Variants in ZNF676 observed in about 807,000 individuals in gnomAD.
The protein encoded by ZNF676 is zinc finger protein 676.
ZNF676 carries 4 observed loss-of-function variants against 6.0 expected under a neutral mutation model. The observed-to-expected ratio is 0.67, with a 90% CI of 0.33 to 1.53. The LOEUF (loss-of-function observed/expected upper bound fraction) is 1.53, where lower values mean the gene tolerates loss of function less well. Ranked by LOEUF, ZNF676 falls within the 40% of genes most tolerant of loss-of-function variation. ZNF676 has a pLI of 0.06. For missense variants in ZNF676, 644 were observed against 679.7 expected, an observed-to-expected ratio of 0.95 and a Z score of 0.58; for synonymous variants, 198 against 223.1, an observed-to-expected ratio of 0.89 and a Z score of 1.00.
At position 22,181,122 on chromosome 19, in the gene ZNF676, ATT is replaced by A. The variant is rs2023740535; in HGVS notation, c.593_594del (p.Lys198MetfsTer2). On this transcript the variant is annotated frameshift_variant, in exon 3 of 3. Coordinates refer to ENST00000397121, the MANE Select transcript of ZNF676 (RefSeq NM_001001411.3). LOFTEE classifies it low-confidence loss of function (END_TRUNC). ...CTAAAGGCTTTGCCACATTCTTCAC[ATT>A]TGTAGGGTTTCTCTCCAGTATGAAT... ...KSIHTGEKPY[K>X]CEECGKAFSK... 1 of 1,613,698 alleles carries A rather than the reference ATT, an allele frequency of 6.2e-7. No individual in the cohort carries two copies. Among genetic ancestry groups the A allele is most frequent in the Non-Finnish European group, 8.5e-7 (1 of 1,179,942 alleles).
chr19:22,216,096 T>A (rs1230885903), upstream of ZNF676, among the ~76,000 whole-genome samples: 1 of 152,232 alleles, frequency 6.6e-6, no homozygotes, highest in Non-Finnish European at 1.5e-5. Flanking sequence ...TACATAAAAC[T>A]TTTGTACAAG....
the ZNF676 span, among the ~76,000 whole-genome samples, chr19:22,222,781 T>TA: frequency 1.3e-5 from 2 of 152,204 alleles, no homozygotes; most frequent in Non-Finnish European, 2.9e-5. Context: ...GTTGGCTTGT[T>TA]ACAAAAGGCT....
the ZNF676 span, among the ~76,000 whole-genome samples, chr19:22,240,932 T>C: frequency 3.6e-4 from 55 of 151,998 alleles, no homozygotes; most frequent in Admixed American, 6.5e-4. Context: ...ATGTCCCCTG[T>C]AGGAAAGGCA....
At chr19:22,218,468 G>A (rs1252030975), upstream of ZNF676, among the ~76,000 whole-genome samples, 1 of 151,718 alleles carries the variant, frequency 6.6e-6, no homozygotes, top group Non-Finnish European at 1.5e-5. Flanking sequence ...AAGTAGCTGG[G>A]ATTACAGGCA....
At chr19:22,201,051 A>G (rs1417257830), upstream of ZNF676, among the ~76,000 whole-genome samples, 2 of 152,038 alleles carry the variant, frequency 1.3e-5, no homozygotes, top group African/African-American at 4.8e-5. Flanking sequence ...GACAGAGAAG[A>G]CTCAGGATGA....
chr19:22,216,900 A>T (rs1410147659), upstream of ZNF676, among the ~76,000 whole-genome samples: 2 of 149,822 alleles, frequency 1.3e-5, no homozygotes, highest in African/African-American at 4.9e-5. Context: ...AAGCCACTGC[A>T]CTCCATTCTG....
chr19:22,200,248 G>A (rs2024010605), upstream of ZNF676, among the ~76,000 whole-genome samples: 1 of 151,600 alleles, frequency 6.6e-6, no homozygotes. Context: ...ATCCCTTAAG[G>A]TTTTCTATAA....
the ZNF676 span, among the ~76,000 whole-genome samples, chr19:22,239,533 G>C: frequency 6.6e-6 from 1 of 152,088 alleles, no homozygotes; most frequent in African/African-American, 2.4e-5. Flanking sequence ...AGTGGGCTCT[G>C]TTTATATGTG....
intron 1 of ZNF676, 72 bp from the exon 2 acceptor site, chr19:22,193,183 T>TA: frequency 1.4e-6 from 2 of 1,420,118 alleles, no homozygotes; most frequent in Non-Finnish European, 1.9e-6. Context: ...ATGTGCTCAG[T>TA]AAAGAGGATG....
At chr19:22,254,706 C>T in the ZNF676 span, among the ~76,000 whole-genome samples, 2 of 152,148 alleles carry the variant, frequency 1.3e-5, no homozygotes, top group Non-Finnish European at 2.9e-5. Flanking sequence ...AGGAAAGTCA[C>T]GTCACCTAGG....
chr19:22,215,951 C>A (rs1372413196), upstream of ZNF676, among the ~76,000 whole-genome samples: 1 of 152,338 alleles, frequency 6.6e-6, no homozygotes, highest in Non-Finnish European at 1.5e-5. Flanking sequence ...AGGCTGCAGC[C>A]TTTTCAGGCA....
the ZNF676 span, among the ~76,000 whole-genome samples, chr19:22,235,456 G>T: frequency 6.6e-6 from 1 of 152,154 alleles, no homozygotes; most frequent in Non-Finnish European, 1.5e-5. Flanking sequence ...ACTAGACATT[G>T]TGCCTCTTTC....
chr19:22,197,129 C>G (rs1302174449), upstream of ZNF676, among the ~76,000 whole-genome samples: 1 of 151,920 alleles, frequency 6.6e-6, no homozygotes, highest in Non-Finnish European at 1.5e-5. Context: ...TCGAGACCAG[C>G]CTGACCAACA....
the ZNF676 span, among the ~76,000 whole-genome samples, chr19:22,235,547 C>A: frequency 5.3e-5 from 8 of 152,140 alleles, no homozygotes; most frequent in East Asian, 1.5e-3. Context: ...ACCACTGGAC[C>A]CCTGGAAATT....
upstream of ZNF676, among the ~76,000 whole-genome samples, chr19:22,199,623 T>A (rs1459514037): frequency 6.6e-6 from 1 of 152,196 alleles, no homozygotes; most frequent in African/African-American, 2.4e-5. Context: ...TCATTGATTT[T>A]TCAAAAAATG....
At chr19:22,225,733 C>G in the ZNF676 span, among the ~76,000 whole-genome samples, 1 of 152,090 alleles carries the variant, frequency 6.6e-6, no homozygotes, top group Admixed American at 6.6e-5. Flanking sequence ...AATGCTCTTC[C>G]CATTTATGCT....
chr19:22,223,910 A>C, the ZNF676 span, among the ~76,000 whole-genome samples: 1 of 151,776 alleles, frequency 6.6e-6, no homozygotes, highest in African/African-American at 2.4e-5. Context: ...CATTTTGTGT[A>C]AGAATAGCAC....
intron 2 of ZNF676, among the ~76,000 whole-genome samples, chr19:22,192,339 C>T (rs77392246): frequency 0.017 from 2,654 of 151,976 alleles, 47 homozygotes; most frequent in African/African-American, 0.039. Context: ...TATTTTATGT[C>T]TATAGATTCA....
At chr19:22,190,357 C>T (rs1283974333) in intron 2 of ZNF676, among the ~76,000 whole-genome samples, 2 of 151,802 alleles carry the variant, frequency 1.3e-5, no homozygotes, top group Non-Finnish European at 2.9e-5. Flanking sequence ...TGTAATAATA[C>T]TGTAAAGATG....
Sources: gnomAD v4.1 joint callset for allele counts (sites outside exome capture counted in the v4.1 genomes callset) on GRCh38, gnomAD v4.1.1 for gene constraint, MANE v1.5 for transcripts, NCBI Gene and HGNC (gene_info 2026-07-23, HGNC 2026-07-21) for gene names.